LRP11: variants seen among roughly 807,000 people sequenced by gnomAD.
LRP11 encodes low-density lipoprotein receptor-related protein 11.
In LRP11, 25 loss-of-function variants were observed where a neutral mutation model predicts 43.1. The ratio of observed to expected loss-of-function variants is 0.58; its 90% CI spans 0.42 to 0.81. The LOEUF (loss-of-function observed/expected upper bound fraction) is 0.81. LRP11 is among the 30% of genes least tolerant of loss of function. LRP11 has a pLI of 0.00. For missense variants in LRP11, 623 were observed against 665.1 expected (o/e 0.94, Z 0.70); for synonymous variants, 316 against 299.4 (o/e 1.06, Z -0.57).
intron 2 of LRP11, chr6:149,852,378 G>C (rs761748160): frequency 6.6e-6 from 1 of 152,210 alleles, no homozygotes; most frequent in Non-Finnish European, 1.5e-5. Context: ...TCCACCCTGA[G>C]AGGGTGAATA....
chr6:149,846,386 C>A (rs1177500816), intron 2 of LRP11, among the ~76,000 whole-genome samples: 1 of 152,112 alleles, frequency 6.6e-6, no homozygotes, highest in African/African-American at 2.4e-5. Flanking sequence ...TAGGTGAGAC[C>A]CTGCAGCCTT....
At chr6:149,856,851 C>G (rs112443799) in intron 1 of LRP11, among the ~76,000 whole-genome samples, 18 of 152,218 alleles carry the variant, frequency 1.2e-4, no homozygotes, top group African/African-American at 2.2e-4. Context: ...TCAGGCAGAG[C>G]AACTGGAAAG....
At chr6:149,824,924 ACT>A (rs1226331906) in intron 6 of LRP11, among the ~76,000 whole-genome samples, 5 of 151,960 alleles carry the variant, frequency 3.3e-5, no homozygotes, top group Admixed American at 2.6e-4. Context: ...TAGAGCTGAG[ACT>A]CTCTGGATAC....
At chr6:149,844,434 G>T (rs1255723538) in intron 2 of LRP11, among the ~76,000 whole-genome samples, 4 of 152,114 alleles carry the variant, frequency 2.6e-5, no homozygotes, top group Non-Finnish European at 5.9e-5. Flanking sequence ...AGGGCTCCAT[G>T]CTTGCCCTCT....
At position 149,837,867 on chromosome 6, in the gene LRP11, T is replaced by C. The variant is rs555321728; in HGVS notation, c.914-404A>G. 4.6e-5 allele frequency among the ~76,000 whole-genome samples: 7 copies of C among 152,220 alleles called. No homozygotes were observed. In the East Asian group the frequency reaches 1.2e-3, roughly 25 times the overall value. On this transcript the variant is annotated intron_variant, in intron 3 of 6. Transcript: ENST00000239367. ...CTCTGCAGGAGGGCACCTAATACCA[T>C]CCCATCCCCTGGATGGCAGTTGGCT... is the stretch of plus-strand genomic sequence containing the variant.
rs1776572128 is a variant in LRP11 at position 149,842,970 on chromosome 6, A to T, written c.913+13T>A. ...ACAAGCAGTGGGAAGCGAGGGAAGG[A>T]CTTTCTTCTCACCTCCTGTGGAGTA... On this transcript the variant is annotated intron_variant, in intron 3 of 6. Coordinates refer to ENST00000239367, the MANE Select transcript of LRP11 (RefSeq NM_032832.6). 1 of 1,613,972 alleles carries T rather than the reference A, an allele frequency of 6.2e-7. No homozygotes were observed. The highest frequency in any genetic ancestry group is 8.5e-7 in the Non-Finnish European group (1 of 1,179,884).
At chr6:149,825,829 T>G (rs982251727) in intron 6 of LRP11, among the ~76,000 whole-genome samples, 1 of 152,096 alleles carries the variant, frequency 6.6e-6, no homozygotes, top group Non-Finnish European at 1.5e-5. Context: ...TTGTATTTTT[T>G]GTAGAGACAG....
At chr6:149,844,603 T>C (rs2115395724) in intron 2 of LRP11, among the ~76,000 whole-genome samples, 1 of 152,342 alleles carries the variant, frequency 6.6e-6, no homozygotes, top group African/African-American at 2.4e-5. Context: ...TAATATTCTA[T>C]TTAAAAAAAT....
chr6:149,850,743 C>G (rs1776706239), intron 2 of LRP11, among the ~76,000 whole-genome samples: 1 of 152,156 alleles, frequency 6.6e-6, no homozygotes, highest in African/African-American at 2.4e-5. Context: ...TTTCTATGGA[C>G]AAGAATCATT....
rs544391491 is a variant in LRP11, at chr6:149,827,814, C to T, written c.1253-1455G>A. Among the ~76,000 whole-genome samples, 335 of 152,256 alleles carry T rather than the reference C, an allele frequency of 2.2e-3. 1 individual carries two copies. Among genetic ancestry groups the T allele is most frequent in the African/African-American group, 7.4e-3 (307 of 41,560 alleles). On this transcript the variant is annotated intron_variant, in intron 5 of 6. Coordinates refer to ENST00000239367, the MANE Select transcript of LRP11 (RefSeq NM_032832.6). This position sits in a 1 kb window ranked among gnomAD's most constrained non-coding sequence, Gnocchi z 4.2. ...AAGATTGTATTACATAAGGGCCGCA[C>T]GCAGTGGCTCATGCCTGGCCAACAT...
chr6:149,835,765 T>G (rs1270618219), intron 5 of LRP11, among the ~76,000 whole-genome samples: 1 of 152,218 alleles, frequency 6.6e-6, no homozygotes, highest in Non-Finnish European at 1.5e-5. Flanking sequence ...CACAAATACA[T>G]AATGGTTATG....
At chr6:149,842,780 C>T (rs553855434) in intron 3 of LRP11, 20 of 1,279,326 alleles carry the variant, frequency 1.6e-5, no homozygotes, top group Non-Finnish European at 2.2e-5. Flanking sequence ...GTGCTTCCTC[C>T]ACCCCAACCC....
chr6:149,824,853 C>T (rs1373464681), intron 6 of LRP11, among the ~76,000 whole-genome samples: 3 of 152,106 alleles, frequency 2.0e-5, no homozygotes, highest in South Asian at 4.1e-4. Context: ...GAGTGAGACT[C>T]GATGTCTCAA....
At position 149,826,468 on chromosome 6, in the gene LRP11, C is replaced by T. The variant is rs372324894; in HGVS notation, c.1253-109G>A. ...TTTTTAAGATGGACTTAGAGAAGAACTGTTTATTTCTCTACTAAACAAAGG... is the reference window on the plus strand; with the variant it reads ...TTTTTAAGATGGACTTAGAGAAGAATTGTTTATTTCTCTACTAAACAAAGG... On this transcript the variant is annotated intron_variant, in intron 5 of 6. Transcript: ENST00000239367. 25 of 704,000 alleles carry T rather than the reference C, an allele frequency of 3.6e-5. No individual in the cohort carries two copies. In the South Asian group the frequency reaches 3.9e-4, roughly 11 times the overall value. The allele number at this position is 704,000 out of a possible 1,614,324, so 43.6% of individuals were successfully genotyped here. A position where few individuals can be genotyped will look rare whatever the true frequency, so the allele number is the denominator to read the frequency against.
chr6:149,850,389 C>G (rs140527267), intron 2 of LRP11, among the ~76,000 whole-genome samples: 209 of 152,272 alleles, frequency 1.4e-3, no homozygotes, highest in African/African-American at 4.8e-3. Context: ...AGAGGCATAG[C>G]TCCTGAGGGT....
At chr6:149,860,516 C>T (rs994685584) in intron 1 of LRP11, among the ~76,000 whole-genome samples, 1 of 151,940 alleles carries the variant, frequency 6.6e-6, no homozygotes, top group African/African-American at 2.4e-5. Context: ...CATGTACATG[C>T]GTGCCACCTT....
intron 5 of LRP11, among the ~76,000 whole-genome samples, chr6:149,826,830 C>T (rs1202220957): frequency 6.6e-6 from 1 of 152,132 alleles, no homozygotes; most frequent in African/African-American, 2.4e-5. Context: ...GGGTCAGGTT[C>T]GTACCTAGGT....
At chr6:149,840,895 C>G (rs1414361859) in intron 3 of LRP11, among the ~76,000 whole-genome samples, 1 of 152,200 alleles carries the variant, frequency 6.6e-6, no homozygotes, top group Admixed American at 6.5e-5. Context: ...TTTTGAGTAG[C>G]TGGCTGGCTC....
At chr6:149,822,655 G>A (rs1467681871) in intron 6 of LRP11, among the ~76,000 whole-genome samples, 2 of 152,124 alleles carry the variant, frequency 1.3e-5, no homozygotes, top group Non-Finnish European at 2.9e-5. Flanking sequence ...GTTTTTGAAC[G>A]AGTAAGTCTG....
Sources: allele counts gnomAD v4.1 joint callset (sites outside exome capture counted in the v4.1 genomes callset), GRCh38; gene constraint gnomAD v4.1.1; non-coding constraint Gnocchi (gnomAD v3.1); transcripts MANE v1.5; gene names NCBI Gene and HGNC (gene_info 2026-07-23, HGNC 2026-07-21).